ATP8A2: variants seen among roughly 807,000 people sequenced by gnomAD.
ATP8A2 encodes the protein ATPase phospholipid transporting 8A2.
In ATP8A2, 100 loss-of-function variants were observed where a neutral mutation model predicts 165.6. The observed-to-expected ratio is 0.60, with a 90% CI of 0.51 to 0.71. The LOEUF (loss-of-function observed/expected upper bound fraction) is 0.71. Ranked by LOEUF, ATP8A2 falls within the 30% of genes least tolerant of loss-of-function variation. ATP8A2 has a pLI of 0.00. For missense variants in ATP8A2, 1,227 were observed against 1,479.5 expected (o/e 0.83, Z 2.80); for synonymous variants, 543 against 548.8 (o/e 0.99, Z 0.15).
chr13:25,535,996 C>T (rs918349837), intron 6 of ATP8A2, among the ~76,000 whole-genome samples: 2 of 152,016 alleles, frequency 1.3e-5, no homozygotes, highest in Non-Finnish European at 2.9e-5. Context: ...TAAAAAAATC[C>T]ACTGCCTTTT....
chr13:25,910,732 G>T (rs749969559), intron 33 of ATP8A2, among the ~76,000 whole-genome samples: 5 of 152,156 alleles, frequency 3.3e-5, no homozygotes, highest in Admixed American at 6.5e-5. Context: ...GAAGATGGTG[G>T]TCTTTGCGCA....
intron 10 of ATP8A2, among the ~76,000 whole-genome samples, chr13:25,546,645 AAG>A (rs1215538348): frequency 3.3e-5 from 5 of 152,222 alleles, no homozygotes; most frequent in East Asian, 1.9e-4. Flanking sequence ...TAATGGGAAA[AAG>A]AGCGATTATC....
At chr13:25,924,616 T>TA (rs1423408096) in intron 33 of ATP8A2, among the ~76,000 whole-genome samples, 1 of 137,314 alleles carries the variant, frequency 7.3e-6, no homozygotes, top group Non-Finnish European at 1.6e-5. Flanking sequence ...TCAGAGATAC[T>TA]AAGGGCTAGG....
rs867323276 is a variant in ATP8A2, at chr13:25,531,399, T to C, written c.420+739T>C. ...GTTATATATATGATATATATATGAT[T>C]ATATATATGATTATATATATGATAT... On this transcript the variant is annotated intron_variant, in intron 4 of 36. Coordinates refer to ENST00000381655, the MANE Select transcript of ATP8A2 (RefSeq NM_016529.6). Among the ~76,000 whole-genome samples, 3 of 44,830 alleles carry C rather than the reference T, an allele frequency of 6.7e-5. 1 individual carries two copies. The highest frequency in any genetic ancestry group is 3.9e-4 in the Admixed American group (2 of 5,124). 29.4% of individuals were successfully genotyped at this position (44,830 alleles called of 152,430 possible).
chr13:25,591,804 A>G (rs1302456730), intron 24 of ATP8A2, among the ~76,000 whole-genome samples: 3 of 152,138 alleles, frequency 2.0e-5, no homozygotes, highest in East Asian at 1.9e-4. Context: ...GATGGTCTCA[A>G]TCCAACTTTT....
chr13:25,714,431 A>T (rs2043214314), intron 25 of ATP8A2, among the ~76,000 whole-genome samples: 1 of 152,116 alleles, frequency 6.6e-6, no homozygotes, highest in Non-Finnish European at 1.5e-5. Flanking sequence ...GCCACTTTCC[A>T]TAGCTTTATT....
At chr13:25,876,652 A>T (rs546566713) in intron 33 of ATP8A2, among the ~76,000 whole-genome samples, 13 of 152,364 alleles carry the variant, frequency 8.5e-5, no homozygotes, top group African/African-American at 2.6e-4. Flanking sequence ...TTTATGATTA[A>T]TGTGGGAAAA....
chr13:25,609,534 G>GGGATTCAAATATATATATATATATGT (rs2040605487), intron 24 of ATP8A2, among the ~76,000 whole-genome samples: 4 of 42,290 alleles, frequency 9.5e-5, no homozygotes, highest in Non-Finnish European at 2.2e-4. Flanking sequence ...ATATATATTT[G>GGGATTCAAATATATATATATATATGT]GGATTCAAAT....
At position 25,630,846 on chromosome 13, in the gene ATP8A2, T is replaced by A. The variant is rs538860155; in HGVS notation, c.2211+41147T>A. Among the ~76,000 whole-genome samples, 166 of 152,018 alleles carry A rather than the reference T, an allele frequency of 1.1e-3. 2 individuals carry two copies. The highest frequency in any genetic ancestry group is 3.9e-3 in the African/African-American group (160 of 41,430). On this transcript the variant is annotated intron_variant, in intron 24 of 36. Transcript: ENST00000381655. ...ACTGCATCATCTATTAAAAAAAAAATCCTTAGGGTCCGCTTTCTCATCCTT... is the reference window on the plus strand; with the variant it reads ...ACTGCATCATCTATTAAAAAAAAAAACCTTAGGGTCCGCTTTCTCATCCTT...
intron 24 of ATP8A2, among the ~76,000 whole-genome samples, chr13:25,620,817 T>G (rs573008577): frequency 6.6e-6 from 1 of 152,346 alleles, no homozygotes; most frequent in African/African-American, 2.4e-5. Context: ...GCTTGCTGCT[T>G]GATTCTTGTA....
intron 24 of ATP8A2, among the ~76,000 whole-genome samples, chr13:25,632,425 G>A (rs1021736099): frequency 2.6e-5 from 4 of 152,138 alleles, no homozygotes; most frequent in Non-Finnish European, 4.4e-5. Flanking sequence ...AACCAAGGGG[G>A]TAGGGTGACC....
At chr13:25,496,097 T>G (rs1184048075) in intron 2 of ATP8A2, among the ~76,000 whole-genome samples, 2 of 152,156 alleles carry the variant, frequency 1.3e-5, no homozygotes, top group Non-Finnish European at 1.5e-5. Flanking sequence ...AAAGGTGCTG[T>G]CCTGTGGAAG....
chr13:25,521,517 T>G (rs2037671466), intron 2 of ATP8A2, among the ~76,000 whole-genome samples: 1 of 152,222 alleles, frequency 6.6e-6, no homozygotes, highest in Non-Finnish European at 1.5e-5. Flanking sequence ...AGGTCTTAGA[T>G]TTGAGCCTTT....
At chr13:25,610,749 T>A (rs2040662190) in intron 24 of ATP8A2, among the ~76,000 whole-genome samples, 7 of 152,000 alleles carry the variant, frequency 4.6e-5, no homozygotes, top group Non-Finnish European at 1.0e-4. Context: ...TTTGTTTGTG[T>A]TGTTTACGAT....
At chr13:25,762,634 G>A (rs892718119) in intron 25 of ATP8A2, among the ~76,000 whole-genome samples, 2 of 152,130 alleles carry the variant, frequency 1.3e-5, no homozygotes, top group African/African-American at 4.8e-5. Context: ...GGGTGGAGAT[G>A]TAGCTAGTCT....
chr13:25,998,369 A>C (rs985608859), intron 35 of ATP8A2, among the ~76,000 whole-genome samples: 3 of 152,106 alleles, frequency 2.0e-5, no homozygotes, highest in Admixed American at 1.3e-4. Flanking sequence ...GCCTCATAAC[A>C]GTCTCCTAAG....
At chr13:25,621,501 G>A (rs558740816) in intron 24 of ATP8A2, among the ~76,000 whole-genome samples, 12 of 152,102 alleles carry the variant, frequency 7.9e-5, no homozygotes, top group Non-Finnish European at 1.6e-4. Flanking sequence ...CCCAACCAGA[G>A]GTGTTATCTG....
At chr13:25,941,462 C>T (rs3783134) in intron 33 of ATP8A2, among the ~76,000 whole-genome samples, 1 of 151,848 alleles carries the variant, frequency 6.6e-6, no homozygotes. Flanking sequence ...TAGGAGGCAG[C>T]GTGTCTGGCC....
At chr13:25,643,454 A>G (rs2041588526) in intron 24 of ATP8A2, among the ~76,000 whole-genome samples, 1 of 152,068 alleles carries the variant, frequency 6.6e-6, no homozygotes, top group South Asian at 2.1e-4. Flanking sequence ...CCATTTATAT[A>G]TGGTAAGAGA....
Sources: gnomAD v4.1 joint callset for allele counts (sites outside exome capture counted in the v4.1 genomes callset) on GRCh38, gnomAD v4.1.1 for gene constraint, MANE v1.5 for transcripts, NCBI Gene and HGNC (gene_info 2026-07-23, HGNC 2026-07-21) for gene names.